Variants in NRG1 observed in about 807,000 individuals in gnomAD.
The protein encoded by NRG1 is pro-neuregulin-1, membrane-bound isoform.
In NRG1, 18 loss-of-function variants were observed where a neutral mutation model predicts 63.8. The ratio of observed to expected loss-of-function variants is 0.28; its 90% CI spans 0.19 to 0.42. NRG1 has a LOEUF of 0.42. Ranked by LOEUF, NRG1 falls within the 10% of genes least tolerant of loss-of-function variation. NRG1 has a pLI of 1.00. For missense variants in NRG1, 762 were observed against 814.7 expected, an observed-to-expected ratio of 0.94 and a Z score of 0.79; for synonymous variants, 302 against 301.3, an observed-to-expected ratio of 1.00 and a Z score of -0.02.
intron 1 of NRG1, among the ~76,000 whole-genome samples, chr8:31,966,777 G>A (rs1342622584): frequency 6.6e-6 from 1 of 152,106 alleles, no homozygotes; most frequent in African/African-American, 2.4e-5. Flanking sequence ...GCAGAAAGAA[G>A]TTGAGTAAAT....
chr8:32,422,507 A>G (rs1234156295), intron 1 of NRG1, among the ~76,000 whole-genome samples: 1 of 152,234 alleles, frequency 6.6e-6, no homozygotes, highest in Non-Finnish European at 1.5e-5. Context: ...CAATGCTCTG[A>G]TGAACCTCAT....
intron 1 of NRG1, among the ~76,000 whole-genome samples, chr8:32,012,301 C>T (rs185383263): frequency 6.6e-6 from 1 of 152,180 alleles, no homozygotes; most frequent in Non-Finnish European, 1.5e-5. Context: ...ACAGGACATG[C>T]ATGACAGTTA....
intron 5 of NRG1, among the ~76,000 whole-genome samples, chr8:32,717,361 A>C (rs553126724): frequency 7.2e-5 from 11 of 152,166 alleles, no homozygotes; most frequent in Non-Finnish European, 1.3e-4. Flanking sequence ...AGTACTTTAA[A>C]AAGTTAGATT....
chr8:32,105,230 ATGTAGAGCATGAC>A (rs1210660160), intron 1 of NRG1, among the ~76,000 whole-genome samples: 1 of 152,180 alleles, frequency 6.6e-6, no homozygotes, highest in African/African-American at 2.4e-5. Context: ...AAATGTCATT[ATGTAGAGCATGAC>A]TGTATTAGTT....
chr8:32,310,286 T>G (rs1334906532), intron 1 of NRG1, among the ~76,000 whole-genome samples: 2 of 152,248 alleles, frequency 1.3e-5, no homozygotes, highest in African/African-American at 2.4e-5. Context: ...AAGTTTGATC[T>G]GATATCCTAT....
chr8:32,600,400 A>C (rs1163130345), intron 2 of NRG1, among the ~76,000 whole-genome samples: 2 of 152,092 alleles, frequency 1.3e-5, no homozygotes, highest in African/African-American at 4.8e-5. Context: ...CCAAAACTGT[A>C]TAAACAGAAG....
At chr8:31,988,362 T>G (rs757427759) in intron 1 of NRG1, among the ~76,000 whole-genome samples, 1 of 152,090 alleles carries the variant, frequency 6.6e-6, no homozygotes, top group Non-Finnish European at 1.5e-5. Flanking sequence ...TGAAAACTAC[T>G]GGGTCCTCAA....
chr8:32,195,853 T>G (rs1253410387), intron 1 of NRG1, among the ~76,000 whole-genome samples: 1 of 152,154 alleles, frequency 6.6e-6, no homozygotes, highest in Non-Finnish European at 1.5e-5. Context: ...GCAGTTCAAG[T>G]GGTCTTAGTA....
chr8:32,726,143 TGATTC>T (rs1477313421), intron 5 of NRG1, among the ~76,000 whole-genome samples: 5 of 152,304 alleles, frequency 3.3e-5, no homozygotes, highest in African/African-American at 1.2e-4. Context: ...TCCATAGTAA[TGATTC>T]CAGAATAACA....
intron 1 of NRG1, among the ~76,000 whole-genome samples, chr8:31,942,227 T>C (rs533142676): frequency 1.3e-5 from 2 of 151,966 alleles, no homozygotes; most frequent in East Asian, 3.9e-4. Context: ...AACCCAGAAA[T>C]AAACCCAAAT....
At chr8:31,655,876 G>A (rs893532265) in intron 1 of NRG1, among the ~76,000 whole-genome samples, 1 of 152,306 alleles carries the variant, frequency 6.6e-6, no homozygotes, top group South Asian at 2.1e-4. Context: ...TACAAAGGGC[G>A]GTGGGGAGGA....
intron 1 of NRG1, among the ~76,000 whole-genome samples, chr8:32,142,869 A>T (rs1187797114): frequency 6.6e-6 from 1 of 152,234 alleles, no homozygotes; most frequent in Non-Finnish European, 1.5e-5. Context: ...AGTGAAAAGA[A>T]TACGTGTTAG....
intron 1 of NRG1, among the ~76,000 whole-genome samples, chr8:31,643,246 C>G (rs140167195): frequency 3.9e-4 from 60 of 152,140 alleles, no homozygotes; most frequent in Non-Finnish European, 6.9e-4. Flanking sequence ...GCCCTGGGGG[C>G]GTGATGGTTG....
At chr8:31,829,711 G>A (rs1051863630) in intron 1 of NRG1, among the ~76,000 whole-genome samples, 1 of 152,186 alleles carries the variant, frequency 6.6e-6, no homozygotes, top group Non-Finnish European at 1.5e-5. Flanking sequence ...CCTGCAGCAG[G>A]TTGAGTGGCT....
rs545838945 is a variant in NRG1, at chr8:32,559,245, T to TAAAAAAAAAAAAAAAAAAAAAA, written c.100+10437_100+10438insAAAAAAAAAAAAAAAAAAAAAA. ...TAGTATGTCATCTCACTCTAAAATG[T>TAAAAAAAAAAAAAAAAAAAAAA]AAAAAAAAAAAAAAAAAATCACTAC... On this transcript the variant is annotated intron_variant, in intron 1 of 11. Coordinates refer to ENST00000356819, the Ensembl canonical transcript of NRG1. 6.1e-4 allele frequency among the ~76,000 whole-genome samples: 59 copies of TAAAAAAAAAAAAAAAAAAAAAA among 96,746 alleles called. 5 individuals carry two copies. The highest frequency in any genetic ancestry group is 9.2e-4 in the Non-Finnish European group (45 of 48,840). The allele number at this position is 96,746 out of a possible 152,430, so 63.5% of individuals were successfully genotyped here.
At chr8:31,962,891 T>A (rs1180407568) in intron 1 of NRG1, among the ~76,000 whole-genome samples, 3 of 152,190 alleles carry the variant, frequency 2.0e-5, no homozygotes, top group African/African-American at 7.2e-5. Context: ...AAACCTTTTC[T>A]AAGAGAATCA....
intron 1 of NRG1, among the ~76,000 whole-genome samples, chr8:31,942,797 A>T (rs1181132098): frequency 6.6e-6 from 1 of 152,090 alleles, no homozygotes; most frequent in Non-Finnish European, 1.5e-5. Context: ...AATGCTCAAC[A>T]TCACTAATTA....
At chr8:31,659,834 C>T (rs1439247130) in intron 1 of NRG1, among the ~76,000 whole-genome samples, 2 of 152,284 alleles carry the variant, frequency 1.3e-5, no homozygotes, top group East Asian at 3.9e-4. Context: ...CTTTTTGTAG[C>T]TACCAAAAAG....
intron 5 of NRG1, among the ~76,000 whole-genome samples, chr8:32,723,684 A>G (rs2129007006): frequency 1.2e-5 from 1 of 83,242 alleles, no homozygotes. Context: ...GCTAGACTCC[A>G]TCTCAAAAAA....
Sources: allele counts gnomAD v4.1 joint callset (sites outside exome capture counted in the v4.1 genomes callset), GRCh38; gene constraint gnomAD v4.1.1; transcripts MANE v1.5; gene names NCBI Gene and HGNC (gene_info 2026-07-23, HGNC 2026-07-21).